The following ADAMTS17 variants were observed in gnomAD, a reference collection of about 807,000 sequenced individuals.
The protein encoded by ADAMTS17 is ADAM metallopeptidase with thrombospondin type 1 motif 17.
A neutral mutation model predicts 141.5 loss-of-function variants in ADAMTS17; 113 were observed. The observed-to-expected ratio is 0.80, with a 90% CI of 0.69 to 0.93. The LOEUF is 0.93. Ranked by LOEUF, ADAMTS17 falls within the 40% of genes least tolerant of loss-of-function variation. The pLI, the probability that ADAMTS17 is intolerant of heterozygous loss-of-function variation, is 0.00. For synonymous variants in ADAMTS17, 768 were observed against 630.6 expected, an observed-to-expected ratio of 1.22 and a Z score of -3.27; for missense variants, 1,659 against 1,517.9, an observed-to-expected ratio of 1.09 and a Z score of -1.54.
intron 2 of ADAMTS17, among the ~76,000 whole-genome samples, chr15:100,339,964 G>A (rs921329705): frequency 6.6e-6 from 1 of 152,220 alleles, no homozygotes; most frequent in Non-Finnish European, 1.5e-5. Flanking sequence ...AGTAAGGGCT[G>A]GAGAATTCTA....
chr15:100,075,895 G>A (rs910961135), intron 15 of ADAMTS17, among the ~76,000 whole-genome samples: 17 of 152,002 alleles, frequency 1.1e-4, no homozygotes, highest in Admixed American at 9.8e-4. Context: ...CTGCTTCCAC[G>A]TAGACCTGGT....
rs527637176 is a variant in ADAMTS17, at chr15:100,012,785, G to A, written c.2592-15196C>T. ...AGTACCATGCTGTTTTGGTGACTAC[G>A]GCCTTATAGTATAGTTTGAAATCAG... On this transcript the variant is annotated intron_variant, in intron 18 of 21. Coordinates refer to ENST00000268070, the MANE Select transcript of ADAMTS17 (RefSeq NM_139057.4). 4.6e-5 allele frequency among the ~76,000 whole-genome samples: 7 copies of A among 152,186 alleles called. No homozygotes were observed. In the East Asian group the frequency reaches 9.7e-4, roughly 21 times the overall value.
chr15:100,139,883 T>C (rs541852379), intron 10 of ADAMTS17, among the ~76,000 whole-genome samples: 257 of 152,298 alleles, frequency 1.7e-3, no homozygotes, highest in Admixed American at 2.9e-3. Context: ...AGAAAGGACA[T>C]TGATGGAAAA....
chr15:100,340,651 G>A (rs1027094787), intron 2 of ADAMTS17, among the ~76,000 whole-genome samples: 1 of 152,254 alleles, frequency 6.6e-6, no homozygotes, highest in East Asian at 1.9e-4. Context: ...AGGTACTCCC[G>A]TGACATACAC....
At chr15:100,010,413 T>C (rs1426002899) in intron 18 of ADAMTS17, among the ~76,000 whole-genome samples, 5 of 152,192 alleles carry the variant, frequency 3.3e-5, no homozygotes, top group Non-Finnish European at 5.9e-5. Flanking sequence ...CTCTCCGTGG[T>C]GCAGGACCAG....
chr15:100,337,482 C>T (rs1471774395), intron 2 of ADAMTS17, among the ~76,000 whole-genome samples: 7 of 152,286 alleles, frequency 4.6e-5, no homozygotes, highest in Admixed American at 6.5e-5. Context: ...TGGCCTGGAA[C>T]GTGGATCCCT....
At chr15:100,264,667 T>C (rs2043646528) in intron 4 of ADAMTS17, among the ~76,000 whole-genome samples, 1 of 152,112 alleles carries the variant, frequency 6.6e-6, no homozygotes, top group Non-Finnish European at 1.5e-5. Context: ...TCACCCATTT[T>C]CTCCTTGGCT....
In ADAMTS17 at chr15:99,972,875, AACAAAAC is replaced by A. The variant is rs2060239942; in HGVS notation, c.*1520_*1526del. ...ACTCTACGGTTGTGACATGTAACAA[AACAAAAC>A]ACAGAAACACAGCACCAATAAATCA... On this transcript the variant is annotated 3_prime_UTR_variant, in exon 22 of 22. Coordinates refer to ENST00000268070, the MANE Select transcript of ADAMTS17 (RefSeq NM_139057.4). 6.6e-6 allele frequency: 1 copy of A among 152,216 alleles called. No homozygotes were observed. The highest frequency in any genetic ancestry group is 6.5e-5 in the Admixed American group (1 of 15,282). 9.4% of individuals were successfully genotyped at this position (152,216 alleles called of 1,614,324 possible).
intron 20 of ADAMTS17, among the ~76,000 whole-genome samples, chr15:99,990,537 G>T (rs2060669969): frequency 1.3e-5 from 2 of 152,106 alleles, no homozygotes; most frequent in South Asian, 4.1e-4. Flanking sequence ...TAGGAAGGAG[G>T]TGTTTTAGGT....
intron 18 of ADAMTS17, among the ~76,000 whole-genome samples, chr15:100,018,232 G>C (rs1264826348): frequency 1.3e-5 from 2 of 152,222 alleles, no homozygotes; most frequent in Non-Finnish European, 2.9e-5. Flanking sequence ...GTCGTAGCCT[G>C]TGTCAGCATT....
At chr15:100,316,185 T>C (rs981900500) in intron 3 of ADAMTS17, among the ~76,000 whole-genome samples, 2 of 152,212 alleles carry the variant, frequency 1.3e-5, no homozygotes, top group Admixed American at 6.5e-5. Flanking sequence ...AATCTGCCAC[T>C]GGCTGCCTCC....
chr15:100,107,137 G>A (rs1012770182), intron 14 of ADAMTS17, among the ~76,000 whole-genome samples: 3 of 152,204 alleles, frequency 2.0e-5, no homozygotes, highest in Admixed American at 6.5e-5. Context: ...GGGTGGAAAC[G>A]GTTTGCTGCA....
At chr15:100,278,144 A>G (rs1297369945) in intron 4 of ADAMTS17, among the ~76,000 whole-genome samples, 2 of 151,932 alleles carry the variant, frequency 1.3e-5, no homozygotes, top group African/African-American at 4.8e-5. Context: ...GCTGGGGGAG[A>G]GGGAAAGGGG....
intron 14 of ADAMTS17, among the ~76,000 whole-genome samples, chr15:100,107,006 A>G (rs764189720): frequency 3.9e-5 from 6 of 152,110 alleles, no homozygotes; most frequent in African/African-American, 7.2e-5. Context: ...TATCACCCAC[A>G]TTTATCTGTA....
intron 3 of ADAMTS17, among the ~76,000 whole-genome samples, chr15:100,317,622 C>T (rs895436773): frequency 2.6e-5 from 4 of 152,156 alleles, no homozygotes; most frequent in African/African-American, 9.7e-5. Flanking sequence ...AGGTGTGTGG[C>T]CCCAGGGAAC....
intron 15 of ADAMTS17, among the ~76,000 whole-genome samples, chr15:100,074,377 G>A (rs961884836): frequency 2.7e-5 from 4 of 148,070 alleles, no homozygotes; most frequent in African/African-American, 9.7e-5. Flanking sequence ...CATATTTTAT[G>A]CATAATATAA....
chr15:100,297,654 T>C (rs1435216950), intron 3 of ADAMTS17, among the ~76,000 whole-genome samples: 2 of 152,148 alleles, frequency 1.3e-5, no homozygotes, highest in African/African-American at 4.8e-5. Flanking sequence ...CACTGTGAGT[T>C]CTGGCCTAAT....
At chr15:100,204,315 G>A (rs2041450759) in intron 7 of ADAMTS17, among the ~76,000 whole-genome samples, 1 of 152,214 alleles carries the variant, frequency 6.6e-6, no homozygotes, top group Non-Finnish European at 1.5e-5. Context: ...CTTTGAGAGA[G>A]ATGGCTCAGT....
intron 7 of ADAMTS17, among the ~76,000 whole-genome samples, chr15:100,241,047 A>G (rs1278427140): frequency 6.6e-6 from 1 of 152,112 alleles, no homozygotes; most frequent in African/African-American, 2.4e-5. Context: ...GCTGGTCTCG[A>G]ACTCCTGACC....
Sources: gnomAD v4.1 joint callset for allele counts (sites outside exome capture counted in the v4.1 genomes callset) on GRCh38, gnomAD v4.1.1 for gene constraint, MANE v1.5 for transcripts, NCBI Gene and HGNC (gene_info 2026-07-23, HGNC 2026-07-21) for gene names.